The following OR10D3 variants were observed in gnomAD, a reference collection of about 807,000 sequenced individuals.
The protein encoded by OR10D3 is olfactory receptor family 10 subfamily D member 3.
For synonymous variants in OR10D3, 100 were observed against 57.6 expected (o/e 1.74, Z -3.33); for missense variants, 286 against 153.7 (o/e 1.86, Z -4.55).
chr11:124,185,456 C>T, exon 2 of OR10D3: 1 of 703,144 alleles, frequency 1.4e-6, no homozygotes, highest in East Asian at 2.7e-5. Context: ...GTATTTCTTC[C>T]TGGGAAACTT....
intron 1 of OR10D3, among the ~76,000 whole-genome samples, chr11:124,184,514 CGGGGTAAG>C (rs1485471375): frequency 1.3e-5 from 2 of 151,872 alleles, no homozygotes; most frequent in Non-Finnish European, 1.5e-5. Flanking sequence ...TGGTTAATAC[CGGGGTAAG>C]ATTTGACAAG....
At chr11:124,185,723 G>T in exon 2 of OR10D3, 1 of 703,556 alleles carries the variant, frequency 1.4e-6, no homozygotes. Context: ...ATGGCTGTTA[G>T]GGTGCATTCA....
At chr11:124,185,371 C>T (rs1258168308) in exon 2 of OR10D3, 1 of 703,228 alleles carries the variant, frequency 1.4e-6, no homozygotes, top group South Asian at 1.5e-5. Context: ...TCTTGCCCTT[C>T]TATGCCTGCA....
exon 2 of OR10D3, chr11:124,186,023 T>G (rs1257782479): frequency 1.4e-6 from 1 of 703,390 alleles, no homozygotes; most frequent in Middle Eastern, 2.3e-4. Context: ...CCTCTGTGCC[T>G]ATGGGCCCAT....
chr11:124,184,609 AAG>A (rs879534776), intron 1 of OR10D3, among the ~76,000 whole-genome samples: 2 of 152,180 alleles, frequency 1.3e-5, no homozygotes. Context: ...AAGAAAAAAA[AAG>A]AATGTAGATG....
chr11:124,185,545 C>T, exon 2 of OR10D3: 1 of 703,464 alleles, frequency 1.4e-6, no homozygotes, highest in South Asian at 1.5e-5. Flanking sequence ...GCCGACTCAT[C>T]TCCTACAAAG....
chr11:124,183,946 A>G (rs905794556), intron 1 of OR10D3, among the ~76,000 whole-genome samples: 1 of 152,184 alleles, frequency 6.6e-6, no homozygotes, highest in African/African-American at 2.4e-5. Context: ...TTGATTTTAT[A>G]TTATTAAAGT....
exon 2 of OR10D3, chr11:124,187,548 C>T (rs576357596): frequency 1.3e-5 from 2 of 152,236 alleles, no homozygotes; most frequent in African/African-American, 2.4e-5. Flanking sequence ...TACTAAGCAC[C>T]GTGTTATTAA....
chr11:124,188,708 TG>T (rs1320430545), exon 2 of OR10D3: 2 of 152,202 alleles, frequency 1.3e-5, no homozygotes, highest in African/African-American at 2.4e-5. Context: ...GGCCCCAAAA[TG>T]GTTTCAGATG....
intron 1 of OR10D3, among the ~76,000 whole-genome samples, chr11:124,184,566 C>T (rs1057097242): frequency 6.6e-6 from 1 of 151,710 alleles, no homozygotes; most frequent in East Asian, 1.9e-4. Context: ...CAGATGGATC[C>T]ATCCAGACCC....
At chr11:124,188,062 T>TATCC (rs1861245423) in exon 2 of OR10D3, 1 of 152,178 alleles carries the variant, frequency 6.6e-6, no homozygotes, top group Admixed American at 6.5e-5. Context: ...ACATCCAAGA[T>TATCC]AAAGATATTT....
chr11:124,183,434 C>CTT (rs1861184760), intron 1 of OR10D3, 51 bp downstream of exon 1: 1 of 114,006 alleles, frequency 8.8e-6, no homozygotes, highest in Non-Finnish European at 1.7e-5. Context: ...TTCTTTCTCT[C>CTT]TCTCTTTCTC....
chr11:124,185,717 C>CT lies in OR10D3; in HGVS notation c.449dup (p.Leu151ValfsTer23). ...TGTGGCCCTGGCTGTGGGCACATGGCTGTTAGGGTGCATTCATTCCAGTAT... is the reference window on the plus strand; with the variant it reads ...TGTGGCCCTGGCTGTGGGCACATGGCTTGTTAGGGTGCATTCATTCCAGTAT... On this transcript the variant is annotated frameshift_variant, in exon 2 of 2. Coordinates refer to ENST00000641351, the Ensembl canonical transcript of OR10D3. LOFTEE classifies it low-confidence loss of function (END_TRUNC). 1.4e-6 allele frequency: 1 copy of CT among 703,612 alleles called. No homozygotes were observed. The highest frequency in any genetic ancestry group is 2.6e-6 in the Non-Finnish European group (1 of 385,108). 43.6% of individuals were successfully genotyped at this position (703,612 alleles called of 1,614,324 possible).
intron 1 of OR10D3, chr11:124,184,304 C>G (rs1240974212): frequency 6.6e-6 from 1 of 152,124 alleles, no homozygotes; most frequent in Non-Finnish European, 1.5e-5. Context: ...TATCTTATTT[C>G]CTTCATCAAA....
exon 2 of OR10D3, chr11:124,186,499 C>CCTT (rs1565302565): frequency 9.9e-6 from 1 of 101,034 alleles, no homozygotes; most frequent in African/African-American, 5.3e-5. Context: ...TCCATCCTGC[C>CCTT]ATTTTTTTTT....
exon 2 of OR10D3, chr11:124,186,142 G>T (rs762164784): frequency 2.6e-5 from 18 of 702,854 alleles, no homozygotes. Context: ...ATACCTTGAG[G>T]AATAAGGAAG....
At chr11:124,187,720 A>G (rs1861242197) in exon 2 of OR10D3, 2 of 152,156 alleles carry the variant, frequency 1.3e-5, no homozygotes, top group African/African-American at 4.8e-5. Context: ...CAAGTATATA[A>G]TTGTCTTAGT....
At chr11:124,185,793 A>C (rs1458275150) in exon 2 of OR10D3, 4 of 703,636 alleles carry the variant, frequency 5.7e-6, no homozygotes, top group African/African-American at 1.7e-5. Context: ...AATGAAGTGG[A>C]TCACTTCTTC....
intron 1 of OR10D3, 48 bp from the exon 2 acceptor site, chr11:124,185,211 C>T: frequency 1.6e-6 from 1 of 638,180 alleles, no homozygotes; most frequent in Non-Finnish European, 2.8e-6. Context: ...TGATTGACAG[C>T]AAGCCAAGGC....
Sources: gnomAD v4.1 joint callset for allele counts (sites outside exome capture counted in the v4.1 genomes callset) on GRCh38, gnomAD v4.1.1 for gene constraint, MANE v1.5 for transcripts, NCBI Gene and HGNC (gene_info 2026-07-23, HGNC 2026-07-21) for gene names.